The following GLYATL1 variants were observed in gnomAD, a reference collection of about 807,000 sequenced individuals.
GLYATL1 encodes glycine N-acyltransferase-like protein 1.
In GLYATL1, 15 loss-of-function variants were observed where a neutral mutation model predicts 20.0. The ratio of observed to expected loss-of-function variants is 0.75; its 90% CI spans 0.50 to 1.15. The LOEUF (loss-of-function observed/expected upper bound fraction) is 1.15, where lower values mean the gene tolerates loss of function less well. GLYATL1 is among the 50% of genes most tolerant of loss of function. The pLI is 0.00. For synonymous variants in GLYATL1, 151 were observed against 131.5 expected (o/e 1.15, Z -1.01); for missense variants, 380 against 368.5 (o/e 1.03, Z -0.26).
intron 1 of GLYATL1, among the ~76,000 whole-genome samples, chr11:58,931,578 T>C (rs1855601810): frequency 6.6e-6 from 1 of 152,212 alleles, no homozygotes; most frequent in Non-Finnish European, 1.5e-5. Context: ...AAAAAATTAT[T>C]CCAGATTACA....
At chr11:58,919,499 C>T (rs1218826689) in intron 1 of GLYATL1, among the ~76,000 whole-genome samples, 1 of 152,182 alleles carries the variant, frequency 6.6e-6, no homozygotes, top group Admixed American at 6.5e-5. Context: ...ACTATTTCAG[C>T]CACCAATGCT....
chr11:58,951,763 T>C (rs1375530144), intron 4 of GLYATL1, among the ~76,000 whole-genome samples: 4 of 152,152 alleles, frequency 2.6e-5, no homozygotes, highest in East Asian at 3.8e-4. Context: ...TTATACTATT[T>C]GTTAAGATTA....
At chr11:58,955,500 A>G (rs1180171876) in intron 6 of GLYATL1, 110 bp from the exon 7 acceptor site, 8 of 1,396,066 alleles carry the variant, frequency 5.7e-6, no homozygotes, top group Non-Finnish European at 7.8e-6. Context: ...AAACTTTGCA[A>G]TGGTGAGTCT....
chr11:58,918,540 C>T lies in GLYATL1; in HGVS notation n.264+12879C>T, dbSNP rs540361697. ...AGGGCATCCTTCTATGAGCTCTTCT[C>T]CTTATAGCATAGATATGGTTGCCAT... On this transcript the variant is annotated intron_variant and non_coding_transcript_variant, in intron 1 of 2. Transcript: ENST00000534674. 1.1e-4 allele frequency among the ~76,000 whole-genome samples: 17 copies of T among 152,228 alleles called. No individual in the cohort carries two copies. In the East Asian group the frequency reaches 3.1e-3, roughly 28 times the overall value.
At chr11:58,908,781 G>A (rs918214748), downstream of GLYATL1, among the ~76,000 whole-genome samples, 5 of 152,060 alleles carry the variant, frequency 3.3e-5, no homozygotes, top group African/African-American at 1.2e-4. Context: ...CAAACAATAT[G>A]GACACTTAAA....
intron 1 of GLYATL1, among the ~76,000 whole-genome samples, chr11:58,941,141 TAAC>T (rs1856110853): frequency 6.6e-6 from 1 of 151,014 alleles, no homozygotes; most frequent in East Asian, 2.0e-4. Flanking sequence ...CTGCACCCAT[TAAC>T]TCGTCATTTA....
At chr11:58,953,729 T>C (rs908209230) in intron 4 of GLYATL1, among the ~76,000 whole-genome samples, 2 of 152,228 alleles carry the variant, frequency 1.3e-5, no homozygotes, top group African/African-American at 4.8e-5. Flanking sequence ...GGTTTGACCA[T>C]ATTCAGGAAC....
At chr11:58,913,181 A>G (rs1855092223), downstream of GLYATL1, among the ~76,000 whole-genome samples, 2 of 152,038 alleles carry the variant, frequency 1.3e-5, no homozygotes, top group Admixed American at 1.3e-4. Flanking sequence ...GCCTTGGAAA[A>G]GAGGGGATGG....
At chr11:58,936,938 C>T (rs575915266), upstream of GLYATL1, among the ~76,000 whole-genome samples, 5 of 152,346 alleles carry the variant, frequency 3.3e-5, no homozygotes, top group African/African-American at 1.2e-4. Flanking sequence ...AGTCCCTAAA[C>T]ATCCCCCTTC....
intron 1 of GLYATL1, among the ~76,000 whole-genome samples, chr11:58,943,013 G>A (rs947116070): frequency 5.3e-5 from 8 of 152,174 alleles, no homozygotes; most frequent in Non-Finnish European, 1.0e-4. Flanking sequence ...AAGTGTTTCA[G>A]TAGAATGGTA....
intron 1 of GLYATL1, among the ~76,000 whole-genome samples, chr11:58,920,994 C>CA (rs1336158349): frequency 6.6e-6 from 1 of 152,156 alleles, no homozygotes; most frequent in East Asian, 1.9e-4. Context: ...CATGGACATA[C>CA]AAAAAGAAAG....
At chr11:58,945,276 C>T (rs922587531) in intron 2 of GLYATL1, among the ~76,000 whole-genome samples, 3 of 151,924 alleles carry the variant, frequency 2.0e-5, no homozygotes, top group African/African-American at 7.3e-5. Flanking sequence ...GGGGTCTCCC[C>T]AGGTTTTTAG....
At chr11:58,950,066 G>A (rs1482630133) in intron 4 of GLYATL1, among the ~76,000 whole-genome samples, 2 of 138,412 alleles carry the variant, frequency 1.4e-5, no homozygotes, top group Admixed American at 1.6e-4. Flanking sequence ...CGGATCACGA[G>A]GTCAGGAGAT....
chr11:58,943,466 C>T (rs1405167882), intron 1 of GLYATL1, 77 bp from the exon 2 acceptor site: 2 of 1,533,718 alleles, frequency 1.3e-6, no homozygotes, highest in Non-Finnish European at 1.8e-6. Context: ...ATTTTGTAGG[C>T]TGCCGGATTC....
At chr11:58,921,029 A>G (rs1434319868) in intron 1 of GLYATL1, among the ~76,000 whole-genome samples, 1 of 152,196 alleles carries the variant, frequency 6.6e-6, no homozygotes, top group African/African-American at 2.4e-5. Context: ...GGCAGTCCCA[A>G]GTTTGGGGTC....
At chr11:58,907,909 A>G (rs1294725148) in exon 2 of GLYATL1, 2 of 153,388 alleles carry the variant, frequency 1.3e-5, no homozygotes, top group Non-Finnish European at 2.9e-5. Flanking sequence ...TACTTCATGA[A>G]TTATGAAGTT....
At chr11:58,928,354 C>G (rs1855483863) in intron 1 of GLYATL1, 1 of 152,194 alleles carries the variant, frequency 6.6e-6, no homozygotes, top group Non-Finnish European at 1.5e-5. Context: ...TTTTTCTTCA[C>G]CTTTGTTTCC....
At chr11:58,943,425 G>A in intron 1 of GLYATL1, 118 bp from the exon 2 acceptor site, 1 of 1,526,664 alleles carries the variant, frequency 6.6e-7, no homozygotes, top group Non-Finnish European at 8.8e-7. Flanking sequence ...TGACCACGAG[G>A]CACCCCCGGA....
chr11:58,951,207 C>T (rs979361606), intron 4 of GLYATL1, among the ~76,000 whole-genome samples: 2 of 152,010 alleles, frequency 1.3e-5, no homozygotes, highest in African/African-American at 4.8e-5. Flanking sequence ...AAACTTCATT[C>T]TATTTGGAAT....
Sources: gnomAD v4.1 joint callset for allele counts (sites outside exome capture counted in the v4.1 genomes callset) on GRCh38, gnomAD v4.1.1 for gene constraint, MANE v1.5 for transcripts, NCBI Gene and HGNC (gene_info 2026-07-23, HGNC 2026-07-21) for gene names.